ITGA1: variants seen among roughly 807,000 people sequenced by gnomAD.
The protein encoded by ITGA1 is integrin alpha-1.
Under a neutral mutation model 145.9 loss-of-function variants are expected in ITGA1, and 85 were observed. That is an observed-to-expected ratio of 0.58 (90% CI 0.49 to 0.70). The LOEUF is 0.70. ITGA1 is among the 30% of genes least tolerant of loss of function. The pLI, the probability that ITGA1 is intolerant of heterozygous loss-of-function variation, is 0.00. For synonymous variants in ITGA1, 520 were observed against 495.3 expected (o/e 1.05, Z -0.66); for missense variants, 1,351 against 1,418.7 (o/e 0.95, Z 0.77).
At chr5:52,815,196 T>C (rs923915259) in intron 1 of ITGA1, among the ~76,000 whole-genome samples, 2 of 152,014 alleles carry the variant, frequency 1.3e-5, no homozygotes, top group African/African-American at 4.8e-5. Context: ...AAAAACAAGA[T>C]CCACCACGGT....
At chr5:52,871,572 T>C (rs1395227532) in intron 6 of ITGA1, among the ~76,000 whole-genome samples, 1 of 151,026 alleles carries the variant, frequency 6.6e-6, no homozygotes, top group East Asian at 1.9e-4. Flanking sequence ...GTCAAAGATA[T>C]GGAATATTTC....
At chr5:52,797,640 T>A (rs1325425119) in intron 1 of ITGA1, among the ~76,000 whole-genome samples, 1 of 152,106 alleles carries the variant, frequency 6.6e-6, no homozygotes, top group South Asian at 2.1e-4. Context: ...GCACATAATT[T>A]GCAGTGAAGG....
rs1212965427 is a variant in ITGA1, at chr5:52,957,967, G to C, written c.*5516G>C. 6.6e-6 allele frequency: 1 copy of C among 152,094 alleles called. No homozygotes were observed. Among genetic ancestry groups the C allele is most frequent in the Non-Finnish European group, 1.5e-5 (1 of 68,020 alleles). The allele number at this position is 152,094 out of a possible 1,614,324, so 9.4% of individuals were successfully genotyped here. A position where few individuals can be genotyped will look rare whatever the true frequency, so the allele number is the denominator to read the frequency against. ...CAGTTTGATCTGTGCCTTTAGATTG[G>C]GGACAAAATTTTAAAAACAAATCTT... On this transcript the variant is annotated 3_prime_UTR_variant, in exon 29 of 29. Transcript: ENST00000282588.
At chr5:52,945,142 T>C (rs948650745) in intron 27 of ITGA1, 107 bp downstream of exon 27, 2 of 776,686 alleles carry the variant, frequency 2.6e-6, no homozygotes, top group African/African-American at 3.5e-5. Flanking sequence ...GGTATTGCTC[T>C]CGGTAAGTGA....
chr5:52,799,552 T>G (rs1229012892), intron 1 of ITGA1, among the ~76,000 whole-genome samples: 1 of 152,216 alleles, frequency 6.6e-6, no homozygotes, highest in Non-Finnish European at 1.5e-5. Context: ...GGACCAGCGC[T>G]TTAACATCTG....
chr5:52,815,936 C>T (rs1748761142), intron 1 of ITGA1, among the ~76,000 whole-genome samples: 1 of 152,046 alleles, frequency 6.6e-6, no homozygotes, highest in Non-Finnish European at 1.5e-5. Context: ...TAAACAAAAA[C>T]TAAGTCACAA....
rs780894822 is a variant in ITGA1 at position 52,887,795 on chromosome 5, T to TTTGTTTGTGATTA, written c.774-19_774-7dup. 1 of 1,602,502 alleles carries TTTGTTTGTGATTA rather than the reference T, an allele frequency of 6.2e-7. No homozygotes were observed. The highest frequency in any genetic ancestry group is 8.5e-7 in the Non-Finnish European group (1 of 1,172,964). On this transcript the variant is annotated intron_variant, in intron 7 of 28. Transcript: ENST00000282588. ...AAAGTGGTGTCTTATCAACCTCTCTTTTGTTTGTGATTACTTTAGAAAGGA... is the reference window on the plus strand; with the variant it reads ...AAAGTGGTGTCTTATCAACCTCTCTTTTGTTTGTGATTATTGTTTGTGATTACTTTAGAAAGGA...
chr5:52,923,845 C>T (rs1467961924), intron 18 of ITGA1, among the ~76,000 whole-genome samples: 1 of 152,232 alleles, frequency 6.6e-6, no homozygotes, highest in African/African-American at 2.4e-5. Flanking sequence ...CCACCAGTAA[C>T]CACCTAGGTC....
chr5:52,921,446 A>C (rs1047390964), intron 17 of ITGA1, among the ~76,000 whole-genome samples: 1 of 152,124 alleles, frequency 6.6e-6, no homozygotes, highest in Admixed American at 6.5e-5. Context: ...GATACTTATC[A>C]TGAAGCTTAT....
Position 52,954,111 on chromosome 5 carries a change from G to A in ITGA1, c.*1660G>A, listed in dbSNP as rs939764044. ...GAAGAAAGAATACCTCTTTCTAGAGGTTTGGTGTCCTCTTGCTGGCCTGTC... is the reference window on the plus strand; with the variant it reads ...GAAGAAAGAATACCTCTTTCTAGAGATTTGGTGTCCTCTTGCTGGCCTGTC... On this transcript the variant is annotated 3_prime_UTR_variant, in exon 29 of 29. Coordinates refer to ENST00000282588, the MANE Select transcript of ITGA1 (RefSeq NM_181501.2). The A allele has an allele frequency of 6.6e-6, 1 of 152,148 alleles. No homozygotes were observed. The highest frequency in any genetic ancestry group is 1.5e-5 in the Non-Finnish European group (1 of 68,020). 9.4% of individuals were successfully genotyped at this position (152,148 alleles called of 1,614,324 possible).
At chr5:52,803,554 T>C (rs568089996) in intron 1 of ITGA1, 163 of 152,338 alleles carry the variant, frequency 1.1e-3, no homozygotes, top group African/African-American at 3.8e-3. Flanking sequence ...AGCTACCTGT[T>C]CACCTCAACT....
chr5:52,911,785 A>G (rs181966753), intron 14 of ITGA1, among the ~76,000 whole-genome samples: 10,449 of 131,046 alleles, frequency 0.08, 479 homozygotes, highest in Admixed American at 0.16. Flanking sequence ...CTATATATAT[A>G]GTGTATCTAC....
intron 6 of ITGA1, among the ~76,000 whole-genome samples, chr5:52,877,674 G>A (rs1364455315): frequency 6.6e-6 from 1 of 152,230 alleles, no homozygotes; most frequent in Non-Finnish European, 1.5e-5. Context: ...TGCCTGTGAG[G>A]TAGTCCTGCC....
At chr5:52,894,503 C>T (rs568513980) in intron 9 of ITGA1, among the ~76,000 whole-genome samples, 9 of 151,902 alleles carry the variant, frequency 5.9e-5, no homozygotes, top group Non-Finnish European at 1.2e-4. Flanking sequence ...CTTTGGAACT[C>T]GATCTTTCCT....
At chr5:52,905,740 A>G (rs765315146) in intron 11 of ITGA1, 23 bp from the exon 12 acceptor site, 2 of 1,606,400 alleles carry the variant, frequency 1.2e-6, no homozygotes, top group African/African-American at 1.3e-5. Context: ...CAGGTGGTAT[A>G]CCTGGAATCT....
intron 28 of ITGA1, among the ~76,000 whole-genome samples, chr5:52,950,040 T>G (rs1751195246): frequency 6.6e-6 from 1 of 152,206 alleles, no homozygotes; most frequent in African/African-American, 2.4e-5. Context: ...CTTTATATCT[T>G]TGTCTTCATC....
chr5:52,846,667 G>A (rs1324928313), intron 1 of ITGA1, among the ~76,000 whole-genome samples: 1 of 152,190 alleles, frequency 6.6e-6, no homozygotes, highest in Non-Finnish European at 1.5e-5. Flanking sequence ...AACAGGAAAT[G>A]TACATAAAAG....
At chr5:52,825,570 C>T (rs1160455858) in intron 1 of ITGA1, among the ~76,000 whole-genome samples, 1 of 152,128 alleles carries the variant, frequency 6.6e-6, no homozygotes, top group Non-Finnish European at 1.5e-5. Flanking sequence ...CTGTTTCCTT[C>T]TCTCTCTCCC....
chr5:52,847,086 G>C (rs535137438), intron 1 of ITGA1, among the ~76,000 whole-genome samples: 2 of 152,090 alleles, frequency 1.3e-5, no homozygotes, highest in Admixed American at 1.3e-4. Context: ...AATTTGGGGG[G>C]AAAAATCTGA....
Sources: allele counts gnomAD v4.1 joint callset (sites outside exome capture counted in the v4.1 genomes callset), GRCh38; gene constraint gnomAD v4.1.1; transcripts MANE v1.5; gene names NCBI Gene and HGNC (gene_info 2026-07-23, HGNC 2026-07-21).